Variants in RARB observed in about 807,000 individuals in gnomAD.
The protein encoded by RARB is retinoic acid receptor beta.
RARB carries 17 observed loss-of-function variants against 51.9 expected under a neutral mutation model. That is an observed-to-expected ratio of 0.33 (90% CI 0.22 to 0.49). The LOEUF (loss-of-function observed/expected upper bound fraction) is 0.49. Ranked by LOEUF, RARB falls within the 20% of genes least tolerant of loss-of-function variation. RARB has a pLI of 0.99. For missense variants in RARB, 369 were observed against 550.8 expected (o/e 0.67, Z 3.30); for synonymous variants, 215 against 195.4 (o/e 1.10, Z -0.84).
At chr3:24,947,036 T>G (rs1253127124) in intron 2 of RARB, among the ~76,000 whole-genome samples, 2 of 152,108 alleles carry the variant, frequency 1.3e-5, no homozygotes, top group Admixed American at 6.5e-5. Context: ...TTGATAAAAC[T>G]GAAGGTAATT....
intron 1 of RARB, among the ~76,000 whole-genome samples, chr3:24,843,042 C>CTGA (rs1702439213): frequency 6.6e-6 from 1 of 152,186 alleles, no homozygotes; most frequent in Non-Finnish European, 1.5e-5. Flanking sequence ...CTTCTTGATA[C>CTGA]TGATACCTGT....
chr3:24,852,470 C>A (rs976471515), intron 1 of RARB, among the ~76,000 whole-genome samples: 3 of 152,098 alleles, frequency 2.0e-5, no homozygotes, highest in Non-Finnish European at 4.4e-5. Context: ...AAAAGTTAAA[C>A]ATAGATTGAC....
In RARB at chr3:25,167,312, C is replaced by T. The variant is rs58484976; in HGVS notation, c.-279-6807C>T. Among the ~76,000 whole-genome samples, 688 of 152,216 alleles carry T rather than the reference C, an allele frequency of 4.5e-3. 7 individuals are homozygous for T. The highest frequency in any genetic ancestry group is 0.016 in the African/African-American group (647 of 41,522). ...TGTTCTCAAATCTTCACTAAAATGA[C>T]AGGAGATGTAAAAAGTATAAATCAT... On this transcript the variant is annotated intron_variant, in intron 4 of 11. Transcript: ENST00000383772.
chr3:25,419,044 A>ATTT (rs35494234), intron 5 of RARB, among the ~76,000 whole-genome samples: 20 of 151,120 alleles, frequency 1.3e-4, no homozygotes, highest in South Asian at 2.1e-4. Flanking sequence ...AAGCCTGTGT[A>ATTT]TTTTTTTTGC....
At chr3:25,201,244 T>C (rs1701382279) in intron 5 of RARB, among the ~76,000 whole-genome samples, 1 of 152,186 alleles carries the variant, frequency 6.6e-6, no homozygotes, top group African/African-American at 2.4e-5. Flanking sequence ...CTGTTATTGC[T>C]GTATAAGAAT....
intron 5 of RARB, among the ~76,000 whole-genome samples, chr3:25,269,931 G>A (rs976031873): frequency 2.6e-5 from 4 of 152,132 alleles, no homozygotes; most frequent in African/African-American, 9.7e-5. Flanking sequence ...AACAATTAGG[G>A]AAAGGCAAAA....
At chr3:25,143,364 G>C (rs2125337893) in intron 4 of RARB, among the ~76,000 whole-genome samples, 1 of 152,240 alleles carries the variant, frequency 6.6e-6, no homozygotes, top group South Asian at 2.1e-4. Flanking sequence ...CCATTTATCT[G>C]CTGTTTTTCC....
chr3:24,877,006 A>G (rs975293403), intron 2 of RARB, among the ~76,000 whole-genome samples: 2 of 152,206 alleles, frequency 1.3e-5, no homozygotes, highest in African/African-American at 2.4e-5. Context: ...CTCAGAGCTA[A>G]TAGTACAAAT....
In RARB at chr3:25,257,520, G is replaced by T. The variant is rs111255065; in HGVS notation, c.178+82945G>T. On this transcript the variant is annotated intron_variant, in intron 5 of 11. Coordinates refer to the RARB transcript ENST00000383772. ...ACCAGGACAGAAGAGTTGGAACTAG[G>T]GTGGGGCAGGTTTTGGATGAATAAT... 6.9e-3 allele frequency among the ~76,000 whole-genome samples: 1,049 copies of T among 152,110 alleles called. 6 individuals are homozygous for T. The highest frequency in any genetic ancestry group is 0.011 in the Non-Finnish European group (754 of 67,976).
At chr3:25,250,778 C>T (rs568474862) in intron 5 of RARB, among the ~76,000 whole-genome samples, 20 of 152,214 alleles carry the variant, frequency 1.3e-4, no homozygotes, top group Admixed American at 1.0e-3. Context: ...TGTGAATTCC[C>T]TTCCTCAAGC....
intron 3 of RARB, among the ~76,000 whole-genome samples, chr3:25,569,434 A>C (rs1700624612): frequency 6.6e-6 from 1 of 152,234 alleles, no homozygotes; most frequent in Admixed American, 6.5e-5. Flanking sequence ...GCTCTTGGAA[A>C]AATCCTTCTC....
intron 5 of RARB, among the ~76,000 whole-genome samples, chr3:25,379,051 C>T (rs1706550321): frequency 6.6e-6 from 1 of 152,218 alleles, no homozygotes; most frequent in Non-Finnish European, 1.5e-5. Flanking sequence ...CAGCCAGCTT[C>T]TTGCAGGCAA....
At chr3:24,949,090 C>G (rs942061241) in intron 2 of RARB, among the ~76,000 whole-genome samples, 1 of 152,148 alleles carries the variant, frequency 6.6e-6, no homozygotes, top group African/African-American at 2.4e-5. Context: ...CTTCTCAGCC[C>G]TGGTTACCAT....
chr3:25,337,332 C>CCTAATCA (rs1705093853), intron 5 of RARB, among the ~76,000 whole-genome samples: 1 of 152,098 alleles, frequency 6.6e-6, no homozygotes, highest in Non-Finnish European at 1.5e-5. Context: ...AATTCAGAAT[C>CCTAATCA]CTAATCACAA....
At chr3:24,970,394 A>T (rs1696370923) in intron 2 of RARB, among the ~76,000 whole-genome samples, 1 of 152,052 alleles carries the variant, frequency 6.6e-6, no homozygotes. Flanking sequence ...ATAACCAGAC[A>T]AGAAGACAAT....
chr3:25,404,714 GC>G (rs1214019358), intron 5 of RARB, among the ~76,000 whole-genome samples: 1 of 152,124 alleles, frequency 6.6e-6, no homozygotes, highest in Non-Finnish European at 1.5e-5. Flanking sequence ...TTCAAGGGTT[GC>G]CCACAAAGAG....
intron 3 of RARB, among the ~76,000 whole-genome samples, chr3:25,512,026 G>T (rs536765832): frequency 6.0e-4 from 92 of 152,274 alleles, no homozygotes; most frequent in African/African-American, 2.1e-3. Flanking sequence ...TCTTGGGCAG[G>T]TCACTTAACA....
intron 3 of RARB, among the ~76,000 whole-genome samples, chr3:25,110,054 G>T (rs997440673): frequency 1.3e-5 from 2 of 152,004 alleles, no homozygotes; most frequent in Non-Finnish European, 2.9e-5. Context: ...TACAATTCTT[G>T]ACATTAAATC....
chr3:25,003,507 TTTCATC>T (rs1697210116), intron 2 of RARB, among the ~76,000 whole-genome samples: 1 of 152,186 alleles, frequency 6.6e-6, no homozygotes, highest in African/African-American at 2.4e-5. Flanking sequence ...CACTGTGATA[TTTCATC>T]TTATGACAGA....
Sources: allele counts gnomAD v4.1 joint callset (sites outside exome capture counted in the v4.1 genomes callset), GRCh38; gene constraint gnomAD v4.1.1; transcripts MANE v1.5; gene names NCBI Gene and HGNC (gene_info 2026-07-23, HGNC 2026-07-21).